The following LRRTM4 variants were observed in gnomAD, a reference collection of about 807,000 sequenced individuals.
The protein encoded by LRRTM4 is leucine rich repeat transmembrane neuronal 4.
LRRTM4 carries 25 observed loss-of-function variants against 47.6 expected under a neutral mutation model. The observed-to-expected ratio is 0.53, with a 90% CI of 0.38 to 0.73. The LOEUF is 0.73. LRRTM4 is among the 30% of genes least tolerant of loss of function. The pLI, the probability that LRRTM4 is intolerant of heterozygous loss-of-function variation, is 0.00. For missense variants in LRRTM4, 638 were observed against 713.4 expected, an observed-to-expected ratio of 0.89 and a Z score of 1.20; for synonymous variants, 311 against 269.5, an observed-to-expected ratio of 1.15 and a Z score of -1.51.
intron 3 of LRRTM4, among the ~76,000 whole-genome samples, chr2:76,823,819 A>G (rs1322978453): frequency 6.6e-6 from 1 of 151,542 alleles, no homozygotes; most frequent in African/African-American, 2.4e-5. Flanking sequence ...TTTGCCATGT[A>G]TATGTTACAA....
At chr2:77,222,889 G>T (rs1045706027) in intron 3 of LRRTM4, among the ~76,000 whole-genome samples, 14 of 152,060 alleles carry the variant, frequency 9.2e-5, no homozygotes, top group African/African-American at 1.4e-4. Context: ...CCAAAGCCTG[G>T]CAGAGACACA....
At chr2:77,138,647 A>T (rs1032590131) in intron 3 of LRRTM4, among the ~76,000 whole-genome samples, 1 of 152,200 alleles carries the variant, frequency 6.6e-6, no homozygotes, top group African/African-American at 2.4e-5. Context: ...GGAGATAGAG[A>T]TATAAAAAAC....
intron 3 of LRRTM4, among the ~76,000 whole-genome samples, chr2:76,781,003 G>C (rs912853444): frequency 1.3e-5 from 2 of 152,378 alleles, no homozygotes; most frequent in South Asian, 2.1e-4. Flanking sequence ...CTGCAGGTCT[G>C]TTGGAATACC....
In LRRTM4 at chr2:77,256,742, C is replaced by T. The variant is rs1266319124; in HGVS notation, c.1551+261576G>A. Among the ~76,000 whole-genome samples, 5 of 151,744 alleles carry T rather than the reference C, an allele frequency of 3.3e-5. No individual in the cohort carries two copies. In the South Asian group the frequency reaches 1.0e-3, roughly 31 times the overall value. On this transcript the variant is annotated intron_variant, in intron 3 of 3. Transcript: ENST00000409884. ...TCAGTCAAAGGTATGTCTTTATCAG[C>T]AGAATGAAAACAGACTAATGCAATT...
At chr2:76,759,398 G>A (rs1216659100) in intron 3 of LRRTM4, among the ~76,000 whole-genome samples, 1 of 152,066 alleles carries the variant, frequency 6.6e-6, no homozygotes, top group Non-Finnish European at 1.5e-5. Context: ...CCTTCAGTTG[G>A]GAGTGCTGAA....
At chr2:77,129,096 T>G (rs1375214884) in intron 3 of LRRTM4, among the ~76,000 whole-genome samples, 1 of 152,274 alleles carries the variant, frequency 6.6e-6, no homozygotes, top group Admixed American at 6.5e-5. Context: ...TCTTTTGGAG[T>G]CTCTTACACA....
intron 3 of LRRTM4, among the ~76,000 whole-genome samples, chr2:77,440,177 G>A (rs937673527): frequency 6.6e-6 from 1 of 152,196 alleles, no homozygotes; most frequent in Non-Finnish European, 1.5e-5. Flanking sequence ...CACTTTGGGA[G>A]GCCGAGGCGG....
intron 3 of LRRTM4, among the ~76,000 whole-genome samples, chr2:77,041,582 T>C (rs1679035749): frequency 6.6e-6 from 1 of 151,456 alleles, no homozygotes; most frequent in East Asian, 2.0e-4. Context: ...TTATTATTTT[T>C]CGTCTTTTTT....
At chr2:77,503,136 G>A (rs1678638618) in intron 3 of LRRTM4, among the ~76,000 whole-genome samples, 1 of 151,340 alleles carries the variant, frequency 6.6e-6, no homozygotes, top group Non-Finnish European at 1.5e-5. Context: ...GATGTAACAT[G>A]ATCCACTTTT....
At chr2:77,217,527 T>A (rs1674491387) in intron 3 of LRRTM4, among the ~76,000 whole-genome samples, 1 of 143,498 alleles carries the variant, frequency 7.0e-6, no homozygotes, top group African/African-American at 2.6e-5. Flanking sequence ...TTTGTAGAAC[T>A]GGGTTCAGAT....
At chr2:76,790,298 G>C (rs1674905291) in intron 3 of LRRTM4, among the ~76,000 whole-genome samples, 1 of 152,094 alleles carries the variant, frequency 6.6e-6, no homozygotes, top group African/African-American at 2.4e-5. Context: ...GATCTTCATG[G>C]ATTGCCTCTA....
intron 3 of LRRTM4, among the ~76,000 whole-genome samples, chr2:77,221,720 C>G (rs1431272107): frequency 6.6e-6 from 1 of 151,984 alleles, no homozygotes; most frequent in Non-Finnish European, 1.5e-5. Flanking sequence ...TCCTGAGTGA[C>G]CTACAAAGAG....
chr2:77,217,296 T>G (rs1359381652), intron 3 of LRRTM4, among the ~76,000 whole-genome samples: 2 of 149,018 alleles, frequency 1.3e-5, no homozygotes, highest in Non-Finnish European at 3.0e-5. Flanking sequence ...CTACTAGAGA[T>G]ATTAACATTT....
At chr2:76,965,923 C>T (rs916419855) in intron 3 of LRRTM4, among the ~76,000 whole-genome samples, 1 of 151,378 alleles carries the variant, frequency 6.6e-6, no homozygotes, top group African/African-American at 2.4e-5. Context: ...TGTACACCCT[C>T]ATAATAACTG....
In LRRTM4 at chr2:76,835,522, A is replaced by G. The variant is rs559957631; in HGVS notation, c.1552-86606T>C. Among the ~76,000 whole-genome samples the G allele has an allele frequency of 1.1e-4, 17 of 152,166 alleles. No homozygotes were observed. In the South Asian group the frequency reaches 3.5e-3, roughly 32 times the overall value. On this transcript the variant is annotated intron_variant, in intron 3 of 3. Coordinates refer to ENST00000409884, the MANE Select transcript of LRRTM4 (RefSeq NM_001134745.3). ...CTGACTAAGAAATGTCATTTATATT[A>G]TTTTAGAGTTGTAATAATATATTCA...
chr2:76,802,825 A>G (rs982863011), intron 3 of LRRTM4, among the ~76,000 whole-genome samples: 2 of 152,146 alleles, frequency 1.3e-5, no homozygotes, highest in Non-Finnish European at 2.9e-5. Context: ...GTTTTTGACA[A>G]AGGGACCAAG....
intron 3 of LRRTM4, among the ~76,000 whole-genome samples, chr2:76,826,309 G>T (rs1436849861): frequency 6.6e-6 from 1 of 151,660 alleles, no homozygotes; most frequent in East Asian, 1.9e-4. Context: ...AGAATTTAGG[G>T]CTAGGAATGA....
chr2:77,502,991 A>G (rs1171272633), intron 3 of LRRTM4, among the ~76,000 whole-genome samples: 1 of 151,518 alleles, frequency 6.6e-6, no homozygotes, highest in East Asian at 1.9e-4. Context: ...GAGATTGTAG[A>G]GCAAAGAGAG....
At chr2:77,046,957 C>T (rs6547119) in intron 3 of LRRTM4, among the ~76,000 whole-genome samples, 34,386 of 151,896 alleles carry the variant, frequency 0.23, 3,997 homozygotes, top group East Asian at 0.29. Flanking sequence ...CTAACTTGTT[C>T]TGCATGAGCA....
Sources: allele counts gnomAD v4.1 joint callset (sites outside exome capture counted in the v4.1 genomes callset), GRCh38; gene constraint gnomAD v4.1.1; transcripts MANE v1.5; gene names NCBI Gene and HGNC (gene_info 2026-07-23, HGNC 2026-07-21).